DIPK1A: variants seen among roughly 807,000 people sequenced by gnomAD.
DIPK1A encodes the protein family with sequence similarity 69 member A.
Under a neutral mutation model 40.8 loss-of-function variants are expected in DIPK1A, and 27 were observed. The ratio of observed to expected loss-of-function variants is 0.66; its 90% CI spans 0.49 to 0.91. The LOEUF (loss-of-function observed/expected upper bound fraction) is 0.91. Among genes scored for constraint, DIPK1A ranks in the 40% least tolerant of loss-of-function variants. The probability of loss-of-function intolerance (pLI) is 0.00; values close to 1 mark genes in which losing one functional copy is unlikely to be tolerated. For synonymous variants in DIPK1A, 166 were observed against 171.3 expected (o/e 0.97, Z 0.24); for missense variants, 412 against 505.7 (o/e 0.81, Z 1.78).
intron 4 of DIPK1A, among the ~76,000 whole-genome samples, chr1:92,845,063 C>G (rs552491470): frequency 9.9e-5 from 15 of 150,794 alleles, no homozygotes; most frequent in African/African-American, 1.7e-4. Flanking sequence ...TCCTGCCTCA[C>G]CCTCCCGAGC....
chr1:92,865,235 T>C (rs376847395), intron 2 of DIPK1A, among the ~76,000 whole-genome samples: 5 of 151,812 alleles, frequency 3.3e-5, no homozygotes, highest in Non-Finnish European at 7.4e-5. Flanking sequence ...TGGTAGCTCA[T>C]GCCTGTAGTC....
At chr1:92,892,098 A>T (rs1648915341) in intron 1 of DIPK1A, among the ~76,000 whole-genome samples, 1 of 152,114 alleles carries the variant, frequency 6.6e-6, no homozygotes, top group Non-Finnish European at 1.5e-5. Context: ...ATAGCCAAAC[A>T]AAAGGCAGCA....
chr1:92,878,012 T>G (rs1648204437), intron 1 of DIPK1A, among the ~76,000 whole-genome samples: 1 of 152,258 alleles, frequency 6.6e-6, no homozygotes, highest in South Asian at 2.1e-4. Context: ...GCTATCATCT[T>G]CTTTTCGGAC....
intron 1 of DIPK1A, among the ~76,000 whole-genome samples, chr1:92,897,162 C>A (rs1341368110): frequency 2.0e-5 from 3 of 152,128 alleles, no homozygotes; most frequent in African/African-American, 7.2e-5. Flanking sequence ...TGGGTATATA[C>A]CCAAAGGATT....
At chr1:92,845,474 G>A (rs534448464) in intron 4 of DIPK1A, 25 of 344,730 alleles carry the variant, frequency 7.3e-5, no homozygotes, top group African/African-American at 1.7e-4. Context: ...TTCTAGACCC[G>A]CCTGGGCAAC....
intron 1 of DIPK1A, among the ~76,000 whole-genome samples, chr1:92,899,683 C>T (rs1571106627): frequency 6.6e-6 from 1 of 152,112 alleles, no homozygotes; most frequent in East Asian, 1.9e-4. Flanking sequence ...TTTTGTAGTG[C>T]TATGGTTTGA....
intron 1 of DIPK1A, among the ~76,000 whole-genome samples, chr1:92,923,515 A>G (rs1442757633): frequency 2.6e-5 from 4 of 152,166 alleles, no homozygotes. Context: ...AAAGTTTCAA[A>G]ATTTCTTACA....
At chr1:92,890,520 C>A (rs1648815160) in intron 1 of DIPK1A, among the ~76,000 whole-genome samples, 1 of 152,136 alleles carries the variant, frequency 6.6e-6, no homozygotes, top group South Asian at 2.1e-4. Context: ...GAATTTTCAT[C>A]ATGAAAAGGT....
intron 2 of DIPK1A, among the ~76,000 whole-genome samples, chr1:92,872,339 C>T (rs1647914192): frequency 1.3e-5 from 2 of 152,032 alleles, no homozygotes; most frequent in Admixed American, 1.3e-4. Context: ...ACCTTGGCCT[C>T]CCAAAGTGCT....
downstream of DIPK1A, among the ~76,000 whole-genome samples, chr1:92,839,668 CATCTTAAT>C (rs1239489022): frequency 2.0e-5 from 3 of 152,176 alleles, no homozygotes; most frequent in African/African-American, 7.2e-5. Context: ...ATACGTTCAT[CATCTTAAT>C]ATCTTAATAC....
chr1:92,931,388 G>A, intron 1 of DIPK1A: 1 of 240,644 alleles, frequency 4.2e-6, no homozygotes, highest in South Asian at 6.8e-5. Context: ...AAGAGAGCCT[G>A]CATGATGGAA....
chr1:92,944,872 A>T (rs1264008568), intron 1 of DIPK1A, among the ~76,000 whole-genome samples: 1 of 152,144 alleles, frequency 6.6e-6, no homozygotes, highest in Non-Finnish European at 1.5e-5. Context: ...CCTGGGCTCA[A>T]GTGATCCTCC....
intron 1 of DIPK1A, among the ~76,000 whole-genome samples, chr1:92,879,093 T>C (rs754178965): frequency 1.3e-5 from 2 of 149,526 alleles, no homozygotes; most frequent in Non-Finnish European, 3.0e-5. Flanking sequence ...GGTGAGAGGA[T>C]TGCTTGAGCC....
chr1:92,866,284 T>G (rs1557460118), intron 2 of DIPK1A, among the ~76,000 whole-genome samples: 2 of 152,188 alleles, frequency 1.3e-5, no homozygotes, highest in Non-Finnish European at 2.9e-5. Context: ...GTATTTTTAG[T>G]AGAGATGGGT....
Position 92,833,319 on chromosome 1 carries a change from T to C in DIPK1A, c.475-285A>G, listed in dbSNP as rs114860423. 8.0e-6 allele frequency: 10 copies of C among 1,243,414 alleles called. No homozygotes were observed. In the African/African-American group the frequency reaches 1.3e-4, roughly 17 times the overall value. 77.0% of individuals were successfully genotyped at this position (1,243,414 alleles called of 1,614,324 possible). ...GAAGTTCAAGTGTTACTTTGTTACA[T>C]GGTTAATTTATGTCAAAAGTATCAT... On this transcript the variant is annotated intron_variant, in intron 4 of 4. Transcript: ENST00000615519.
At position 92,832,932 on chromosome 1, in the gene DIPK1A, G is replaced by A. The variant is rs1347901995; in HGVS notation, c.*88C>T. ...AGTTGTTATTTGAGGCTAGGTTTTCGAAGTGGGACATAGCGTGTTCCGAAC... is the reference window on the plus strand; with the variant it reads ...AGTTGTTATTTGAGGCTAGGTTTTCAAAGTGGGACATAGCGTGTTCCGAAC... On this transcript the variant is annotated 3_prime_UTR_variant, in exon 5 of 5. Transcript: ENST00000615519. The A allele has an allele frequency of 8.8e-6, 6 of 683,400 alleles. No individual in the cohort carries two copies. In the African/African-American group the frequency reaches 1.1e-4, roughly 12 times the overall value. The allele number at this position is 683,400 out of a possible 1,614,324, so 42.3% of individuals were successfully genotyped here.
intron 2 of DIPK1A, among the ~76,000 whole-genome samples, chr1:92,856,974 A>G (rs1688006801): frequency 6.6e-6 from 1 of 152,270 alleles, no homozygotes; most frequent in African/African-American, 2.4e-5. Flanking sequence ...AGTCATTAAA[A>G]TGAAATAAAT....
downstream of DIPK1A, chr1:92,841,901 T>A (rs1189985636): frequency 2.0e-6 from 3 of 1,483,678 alleles, no homozygotes; most frequent in Middle Eastern, 4.1e-4. Context: ...CAGATATAGA[T>A]AATAAACTTA....
intron 1 of DIPK1A, among the ~76,000 whole-genome samples, chr1:92,899,362 C>A (rs1210979395): frequency 6.6e-6 from 1 of 152,164 alleles, no homozygotes; most frequent in South Asian, 2.1e-4. Flanking sequence ...ATAAGCATAG[C>A]TACTTCTGCT....
Sources: allele counts gnomAD v4.1 joint callset (sites outside exome capture counted in the v4.1 genomes callset), GRCh38; gene constraint gnomAD v4.1.1; transcripts MANE v1.5; gene names NCBI Gene and HGNC (gene_info 2026-07-23, HGNC 2026-07-21).